DMD: variants seen among roughly 807,000 people sequenced by gnomAD.
DMD encodes dystrophin, also known as mutant dystrophin.
A neutral mutation model predicts 330.1 loss-of-function variants in DMD; 63 were observed. That is an observed-to-expected ratio of 0.19 (90% CI 0.16 to 0.24). The LOEUF (loss-of-function observed/expected upper bound fraction) is 0.24. DMD is among the 10% of genes least tolerant of loss of function. The pLI, the probability that DMD is intolerant of heterozygous loss-of-function variation, is 1.00. For missense variants in DMD, 3,344 were observed against 2,684.1 expected (o/e 1.25, Z -5.43); for synonymous variants, 1,223 against 959.8 (o/e 1.27, Z -5.07).
intron 42 of DMD, among the ~76,000 whole-genome samples, chrX:32,291,283 T>C (rs191509474): frequency 8.9e-6 from 1 of 112,047 alleles, no homozygotes; most frequent in Non-Finnish European, 1.9e-5. Flanking sequence ...TATAATCCAG[T>C]GCCAACTGTT....
intron 2 of DMD, among the ~76,000 whole-genome samples, chrX:32,999,816 A>AC (rs144573442): frequency 0.03 from 3,335 of 110,532 alleles, 121 homozygotes; most frequent in East Asian, 0.18. Context: ...CAAAAAAAAA[A>AC]CCGAAAAAAC....
chrX:31,381,423 T>C lies in DMD; in HGVS notation c.9085-32789A>G, dbSNP rs1290692280. 2.7e-5 allele frequency among the ~76,000 whole-genome samples: 3 copies of C among 111,241 alleles called. No individual in the cohort carries two copies. The East Asian group carries it at 8.4e-4, about 31-fold the overall frequency. ...ATCACAAACTATGCTCAACTCACTC[T>C]CTACAGTTCTCATAACTTCCAAAAT... is the stretch of plus-strand genomic sequence containing the variant. On this transcript the variant is annotated intron_variant, in intron 60 of 78. Transcript: ENST00000357033.
intron 50 of DMD, among the ~76,000 whole-genome samples, chrX:31,810,337 A>T (rs1260763907): frequency 8.9e-6 from 1 of 111,815 alleles, no homozygotes; most frequent in Non-Finnish European, 1.9e-5. Context: ...GACTCATCTG[A>T]TTTAAGATAG....
At chrX:32,393,058 A>G (rs1055961248) in intron 30 of DMD, among the ~76,000 whole-genome samples, 9 of 112,561 alleles carry the variant, frequency 8.0e-5, no homozygotes, top group Admixed American at 5.7e-4. Flanking sequence ...TAGTGGGAAT[A>G]ATAAATGGCT....
intron 17 of DMD, among the ~76,000 whole-genome samples, chrX:32,520,620 C>T (rs2046324894): frequency 9.0e-6 from 1 of 111,637 alleles, no homozygotes; most frequent in Admixed American, 9.5e-5. Context: ...GGGTTCCCTG[C>T]ATGATTGAGC....
At chrX:32,946,212 C>G (rs1922937994) in intron 2 of DMD, among the ~76,000 whole-genome samples, 1 of 111,008 alleles carries the variant, frequency 9.0e-6, no homozygotes, top group African/African-American at 3.3e-5. Flanking sequence ...AAAATTAAGG[C>G]TATTAATTTT....
intron 41 of DMD, among the ~76,000 whole-genome samples, chrX:32,316,178 C>A (rs1290273123): frequency 1.8e-5 from 2 of 111,350 alleles, no homozygotes; most frequent in African/African-American, 3.3e-5. Context: ...ATGGCATGAA[C>A]ACATTTTCTA....
intron 30 of DMD, among the ~76,000 whole-genome samples, chrX:32,406,049 T>G (rs1421424279): frequency 9.0e-6 from 1 of 111,599 alleles, no homozygotes; most frequent in Non-Finnish European, 1.9e-5. Flanking sequence ...TTTGGCTCTC[T>G]GTTTGTCTGT....
chrX:32,097,788 C>T (rs1453485054), intron 44 of DMD, among the ~76,000 whole-genome samples: 1 of 112,012 alleles, frequency 8.9e-6, no homozygotes, highest in African/African-American at 3.2e-5. Context: ...GCATGTTTTA[C>T]AGTTCAGAAA....
At chrX:31,717,280 A>G (rs1362667156) in intron 52 of DMD, among the ~76,000 whole-genome samples, 1 of 111,860 alleles carries the variant, frequency 8.9e-6, no homozygotes, top group African/African-American at 3.3e-5. Flanking sequence ...CATATTCTGG[A>G]GTTCCCTGGA....
intron 61 of DMD, among the ~76,000 whole-genome samples, chrX:31,335,761 T>C (rs1234268922): frequency 8.9e-6 from 1 of 112,519 alleles, no homozygotes; most frequent in Non-Finnish European, 1.9e-5. Context: ...TCTTAGATGC[T>C]TCTAAATGCC....
intron 1 of DMD, among the ~76,000 whole-genome samples, chrX:33,223,868 T>G (rs2052234765): frequency 8.9e-6 from 1 of 112,300 alleles, no homozygotes; most frequent in Admixed American, 9.4e-5. Flanking sequence ...TACAAAGAAC[T>G]GTTAAAAATC....
rs781070254 is a variant in DMD at position 33,281,365 on chromosome X, T to A, written c.7+57894A>T. ...CTGGGATTACAGGCACACACCATCATGCCCAGCTAATTTTTATATTTTTAG... is the reference window on the plus strand; with the variant it reads ...CTGGGATTACAGGCACACACCATCAAGCCCAGCTAATTTTTATATTTTTAG... On this transcript the variant is annotated intron_variant, in intron 1 of 17. Transcript: ENST00000288447. Among the ~76,000 whole-genome samples, 6 of 110,259 alleles carry A rather than the reference T, an allele frequency of 5.4e-5. No individual in the cohort carries two copies. In the South Asian group the frequency reaches 2.0e-3, roughly 36 times the overall value.
At chrX:31,497,902 A>C (rs184035912) in intron 56 of DMD, among the ~76,000 whole-genome samples, 1 of 112,494 alleles carries the variant, frequency 8.9e-6, no homozygotes, top group Admixed American at 9.5e-5. Flanking sequence ...ACATAAATAT[A>C]ATAAAGACTT....
At chrX:31,502,315 ATT>A (rs933336187) in intron 56 of DMD, among the ~76,000 whole-genome samples, 1 of 108,609 alleles carries the variant, frequency 9.2e-6, no homozygotes, top group Non-Finnish European at 1.9e-5. Flanking sequence ...AGAAGTCAAC[ATT>A]TTTTTTTTCT....
chrX:32,435,448 C>T (rs1186384352), intron 29 of DMD, among the ~76,000 whole-genome samples: 6 of 106,890 alleles, frequency 5.6e-5, no homozygotes, highest in Non-Finnish European at 1.2e-4. Flanking sequence ...ACTTTAAGTG[C>T]CGTATTTTAT....
At chrX:32,296,507 T>A (rs1363467366) in intron 42 of DMD, among the ~76,000 whole-genome samples, 1 of 111,618 alleles carries the variant, frequency 9.0e-6, no homozygotes, top group Non-Finnish European at 1.9e-5. Context: ...ATGTCTATAA[T>A]TTACAAGTGT....
Position 32,787,579 on chromosome X carries a change from C to A in DMD, c.649+21914G>T, listed in dbSNP as rs758665892. Among the ~76,000 whole-genome samples, 10 of 111,061 alleles carry A rather than the reference C, an allele frequency of 9.0e-5. No homozygotes were observed. In the South Asian group the frequency reaches 3.1e-3, roughly 34 times the overall value. On this transcript the variant is annotated intron_variant, in intron 7 of 78. Transcript: ENST00000357033. ...CTGTTTTTCCCATACATATACATAC[C>A]TATGATAAAATTTAACTTATAAATT...
rs1171206583 is a variant in DMD at position 31,526,044 on chromosome X, C to T, written c.8218-18591G>A. 5.3e-5 allele frequency among the ~76,000 whole-genome samples: 6 copies of T among 112,435 alleles called. No individual in the cohort carries two copies. The Admixed American group carries it at 5.7e-4, about 11-fold the overall frequency. ...ACTTGGGTAGCAGCTACCTCTATTA[C>T]TTCTCCCAACATCCCACTGCTTCCA... is the stretch of plus-strand genomic sequence containing the variant. On this transcript the variant is annotated intron_variant, in intron 55 of 78. Coordinates refer to ENST00000357033, the MANE Select transcript of DMD (RefSeq NM_004006.3).
Sources: allele counts gnomAD v4.1 joint callset (sites outside exome capture counted in the v4.1 genomes callset), GRCh38; gene constraint gnomAD v4.1.1; transcripts MANE v1.5; gene names NCBI Gene and HGNC (gene_info 2026-07-23, HGNC 2026-07-21).